TUB: variants seen among roughly 807,000 people sequenced by gnomAD.
TUB encodes the protein tubby protein homolog.
A neutral mutation model predicts 59.7 loss-of-function variants in TUB; 33 were observed. That is an observed-to-expected ratio of 0.55 (90% CI 0.42 to 0.74). The LOEUF (loss-of-function observed/expected upper bound fraction) is 0.74. TUB is among the 30% of genes least tolerant of loss of function. TUB has a pLI of 0.00. For missense variants in TUB, 659 were observed against 672.0 expected, an observed-to-expected ratio of 0.98 and a Z score of 0.21; for synonymous variants, 293 against 256.4, an observed-to-expected ratio of 1.14 and a Z score of -1.36.
intron 1 of TUB, among the ~76,000 whole-genome samples, chr11:8,019,561 A>G (rs1942387680): frequency 2.0e-5 from 3 of 152,042 alleles, no homozygotes; most frequent in Non-Finnish European, 4.4e-5. Flanking sequence ...CCCCACACCC[A>G]CGGGGCAGAG....
intron 2 of TUB, among the ~76,000 whole-genome samples, chr11:8,059,368 C>T (rs1030537641): frequency 6.6e-6 from 1 of 152,168 alleles, no homozygotes; most frequent in Non-Finnish European, 1.5e-5. Flanking sequence ...GAAGAAATTG[C>T]CCAGCTGAGG....
chr11:8,029,471 C>A (rs1388213861), intron 1 of TUB, among the ~76,000 whole-genome samples: 1 of 150,658 alleles, frequency 6.6e-6, no homozygotes, highest in Non-Finnish European at 1.5e-5. Flanking sequence ...TCACTGCAAC[C>A]TCTGCCTCTC....
chr11:8,021,841 G>A (rs1269976436), intron 1 of TUB, among the ~76,000 whole-genome samples: 9 of 151,678 alleles, frequency 5.9e-5, no homozygotes, highest in African/African-American at 2.2e-4. Flanking sequence ...GCGTGAACCC[G>A]GCAGGTGGAG....
intron 1 of TUB, among the ~76,000 whole-genome samples, chr11:8,025,365 A>C (rs1440415049): frequency 6.6e-6 from 1 of 152,112 alleles, no homozygotes; most frequent in Non-Finnish European, 1.5e-5. Flanking sequence ...TAATGGGAAG[A>C]ATGTTCCATG....
chr11:8,058,008 G>A (rs1256870048), intron 2 of TUB, among the ~76,000 whole-genome samples: 1 of 151,878 alleles, frequency 6.6e-6, no homozygotes, highest in Non-Finnish European at 1.5e-5. Context: ...CCAGGAGTTC[G>A]AGACCAGCCT....
intron 4 of TUB, among the ~76,000 whole-genome samples, chr11:8,094,487 T>C (rs1253686440): frequency 1.3e-5 from 2 of 152,182 alleles, no homozygotes; most frequent in Non-Finnish European, 2.9e-5. Context: ...GCACCCTTTA[T>C]CATGACCCCT....
intron 9 of TUB, among the ~76,000 whole-genome samples, chr11:8,099,754 G>A (rs555459857): frequency 1.2e-4 from 18 of 152,304 alleles, no homozygotes; most frequent in African/African-American, 4.3e-4. Flanking sequence ...ATTTCAGAAT[G>A]GCAGGGAGGG....
chr11:8,022,899 A>C (rs918640426), intron 1 of TUB, among the ~76,000 whole-genome samples: 2 of 152,122 alleles, frequency 1.3e-5, no homozygotes, highest in African/African-American at 4.8e-5. Flanking sequence ...TGTCTCAAAA[A>C]CAAAACAAAA....
At position 8,104,361 on chromosome 11, in the gene TUB, C is replaced by G. The variant is rs897032920; in HGVS notation, c.*2742C>G. ...TCTGCAGAGTGGTGAAGTTCACTTC[C>G]CCAACTCTTCTCCAAGTCTAGCTTT... is the stretch of plus-strand genomic sequence containing the variant. On this transcript the variant is annotated 3_prime_UTR_variant, in exon 12 of 12. Transcript: ENST00000299506. 2.0e-5 allele frequency: 3 copies of G among 152,272 alleles called. No individual in the cohort carries two copies. The highest frequency in any genetic ancestry group is 7.2e-5 in the African/African-American group (3 of 41,436). 9.4% of individuals were successfully genotyped at this position (152,272 alleles called of 1,614,324 possible). A position where few individuals can be genotyped will look rare whatever the true frequency, so the allele number is the denominator to read the frequency against.
rs1042481245 is a variant in TUB, at chr11:8,090,338, G to C, written c.253+107G>C. ...GGTCCTGACGGGGGATGCCCAGGCTGTGTATGGCTTCCAGCCCAGGCAGAC... is the reference window on the plus strand; with the variant it reads ...GGTCCTGACGGGGGATGCCCAGGCTCTGTATGGCTTCCAGCCCAGGCAGAC... On this transcript the variant is annotated intron_variant, in intron 3 of 11. Transcript: ENST00000299506. 2.8e-6 allele frequency: 4 copies of C among 1,438,158 alleles called. No homozygotes were observed. In the African/African-American group the frequency reaches 5.7e-5, roughly 20 times the overall value. The allele number at this position is 1,438,158 out of a possible 1,614,324, so 89.1% of individuals were successfully genotyped here. A position where few individuals can be genotyped will look rare whatever the true frequency, so the allele number is the denominator to read the frequency against.
At chr11:8,038,804 C>A in exon 1 of TUB, 1 of 1,557,348 alleles carries the variant, frequency 6.4e-7, no homozygotes, top group Non-Finnish European at 8.7e-7. Flanking sequence ...GGAATTTCAA[C>A]AGGCTCCAGG....
intron 2 of TUB, among the ~76,000 whole-genome samples, chr11:8,063,202 G>A (rs1177057014): frequency 6.6e-6 from 1 of 152,234 alleles, no homozygotes; most frequent in Admixed American, 6.5e-5. Flanking sequence ...GAGATGAGAT[G>A]TCAGAAAGGA....
intron 1 of TUB, among the ~76,000 whole-genome samples, chr11:8,082,603 A>G (rs1021238800): frequency 6.6e-6 from 1 of 152,206 alleles, no homozygotes; most frequent in African/African-American, 2.4e-5. Flanking sequence ...AGCGGACGGC[A>G]GGATGAGATC....
rs192651079 is a variant in TUB, at chr11:8,038,866, T to G, written c.-8T>G. ...CATCCCTTAAACCCACTCCATCCTG[T>G]GGCCACGATGGGGGCCAGGACACCT... On this transcript the variant is annotated 5_prime_UTR_variant, in exon 1 of 13. Transcript: ENST00000305253. 1,653 of 1,613,682 alleles carry G rather than the reference T, an allele frequency of 1.0e-3. 1 individual carries two copies. Among genetic ancestry groups the G allele is most frequent in the Non-Finnish European group, 1.3e-3 (1,498 of 1,179,770 alleles).
intron 2 of TUB, among the ~76,000 whole-genome samples, chr11:8,072,094 A>C (rs1414345013): frequency 6.6e-6 from 1 of 152,204 alleles, no homozygotes; most frequent in African/African-American, 2.4e-5. Context: ...ACACAGAGAC[A>C]TGGAGAGCAG....
intron 1 of TUB, among the ~76,000 whole-genome samples, chr11:8,083,099 T>C (rs938927824): frequency 6.6e-6 from 1 of 152,190 alleles, no homozygotes; most frequent in Non-Finnish European, 1.5e-5. Flanking sequence ...TCCTGGCCTT[T>C]CTTGGCACAT....
chr11:8,073,691 G>C (rs1029376722), intron 2 of TUB, among the ~76,000 whole-genome samples: 1 of 152,166 alleles, frequency 6.6e-6, no homozygotes, highest in Non-Finnish European at 1.5e-5. Context: ...TGAGCACAGG[G>C]GCCTGAGCGC....
At chr11:8,099,291 G>A (rs1944149276) in intron 9 of TUB, among the ~76,000 whole-genome samples, 1 of 152,204 alleles carries the variant, frequency 6.6e-6, no homozygotes, top group Admixed American at 6.5e-5. Context: ...TTATAGATGA[G>A]GAAACTGAAG....
At chr11:8,096,546 G>C (rs1052197893) in intron 5 of TUB, 139 bp from the exon 6 acceptor site, 1 of 698,660 alleles carries the variant, frequency 1.4e-6, no homozygotes, top group African/African-American at 1.7e-5. Context: ...TATATGTGTA[G>C]ATATGGCTAA....
Sources: allele counts gnomAD v4.1 joint callset (sites outside exome capture counted in the v4.1 genomes callset), GRCh38; gene constraint gnomAD v4.1.1; transcripts MANE v1.5; gene names NCBI Gene and HGNC (gene_info 2026-07-23, HGNC 2026-07-21).